The following TRPC4 variants were observed in gnomAD, a reference collection of about 807,000 sequenced individuals.
TRPC4 encodes the protein transient receptor potential cation channel subfamily C member 4.
In TRPC4, 49 loss-of-function variants were observed where a neutral mutation model predicts 99.4. The ratio of observed to expected loss-of-function variants is 0.49; its 90% confidence interval spans 0.39 to 0.63. The LOEUF is 0.63. Among genes scored for constraint, TRPC4 ranks in the 20% least tolerant of loss-of-function variants. TRPC4 has a pLI of 0.00. For synonymous variants in TRPC4, 454 were observed against 425.9 expected, an observed-to-expected ratio of 1.07 and a Z score of -0.81; for missense variants, 898 against 1,152.9, an observed-to-expected ratio of 0.78 and a Z score of 3.20.
At chr13:37,667,535 T>C (rs1480424613) in intron 5 of TRPC4, among the ~76,000 whole-genome samples, 4 of 152,190 alleles carry the variant, frequency 2.6e-5, no homozygotes, top group Non-Finnish European at 5.9e-5. Flanking sequence ...CTTGAACTCC[T>C]GATCTCAGGT....
At chr13:37,817,617 T>C (rs1301395511) in intron 1 of TRPC4, among the ~76,000 whole-genome samples, 1 of 151,922 alleles carries the variant, frequency 6.6e-6, no homozygotes, top group Admixed American at 6.6e-5. Flanking sequence ...GGAGGCATCA[T>C]GCTACCTAAC....
intron 1 of TRPC4, among the ~76,000 whole-genome samples, chr13:37,810,936 A>C (rs996124318): frequency 2.6e-5 from 4 of 152,042 alleles, no homozygotes; most frequent in Non-Finnish European, 4.4e-5. Context: ...TGTTCTATTG[A>C]AAATATTCTA....
chr13:37,672,440 G>A (rs1031530374), intron 5 of TRPC4, among the ~76,000 whole-genome samples: 17 of 152,144 alleles, frequency 1.1e-4, no homozygotes, highest in African/African-American at 3.9e-4. Flanking sequence ...GAGTTTGTTA[G>A]AAATGCAAAT....
intron 7 of TRPC4, among the ~76,000 whole-genome samples, chr13:37,653,040 C>T (rs1952102071): frequency 6.6e-6 from 1 of 152,160 alleles, no homozygotes; most frequent in African/African-American, 2.4e-5. Context: ...GAAGCCTGTT[C>T]TGCCTCCCAT....
intron 4 of TRPC4, among the ~76,000 whole-genome samples, chr13:37,680,106 A>G (rs1456716897): frequency 2.0e-5 from 3 of 152,142 alleles, no homozygotes; most frequent in African/African-American, 7.2e-5. Flanking sequence ...CTTGGACAAC[A>G]TTTTCTTATT....
intron 5 of TRPC4, among the ~76,000 whole-genome samples, chr13:37,670,800 C>T (rs1952812555): frequency 6.6e-6 from 1 of 152,102 alleles, no homozygotes. Flanking sequence ...TTAGGATCAT[C>T]CAAAATAGAT....
chr13:37,676,477 A>T (rs1953055569), intron 4 of TRPC4, among the ~76,000 whole-genome samples: 1 of 151,330 alleles, frequency 6.6e-6, no homozygotes, highest in Non-Finnish European at 1.5e-5. Flanking sequence ...GGTTAAAGCG[A>T]TTTCCCTGCC....
intron 1 of TRPC4, among the ~76,000 whole-genome samples, chr13:37,825,238 A>G (rs1352454721): frequency 6.6e-6 from 1 of 151,554 alleles, no homozygotes; most frequent in Admixed American, 6.6e-5. Context: ...TGGATTCATT[A>G]ATTTTTTGAA....
chr13:37,830,619 C>T (rs1412499877), intron 1 of TRPC4, among the ~76,000 whole-genome samples: 1 of 150,650 alleles, frequency 6.6e-6, no homozygotes, highest in Admixed American at 6.6e-5. Flanking sequence ...GGCTGAGGCA[C>T]AAGAATCACT....
intron 3 of TRPC4, among the ~76,000 whole-genome samples, chr13:37,714,758 C>T (rs866382581): frequency 2.2e-5 from 1 of 44,650 alleles, no homozygotes; most frequent in South Asian, 1.3e-3. Flanking sequence ...CTTCTTTTTT[C>T]CTCCTATTCA....
intron 1 of TRPC4, among the ~76,000 whole-genome samples, chr13:37,796,921 C>T (rs181095701): frequency 0.01 from 75 of 7,414 alleles, no homozygotes; most frequent in Non-Finnish European, 0.022. Context: ...AGCAAAACTC[C>T]TCTCTACAAA....
chr13:37,639,327 G>A, intron 8 of TRPC4, 28 bp from the exon 9 acceptor site: 1 of 1,606,156 alleles, frequency 6.2e-7, no homozygotes. Context: ...ATTCCTTTCT[G>A]GTTATACTGT....
chr13:37,810,848 A>C (rs1957664273), intron 1 of TRPC4, among the ~76,000 whole-genome samples: 1 of 152,060 alleles, frequency 6.6e-6, no homozygotes, highest in Admixed American at 6.6e-5. Context: ...AAAAAGCATA[A>C]ACATATTACT....
intron 1 of TRPC4, among the ~76,000 whole-genome samples, chr13:37,842,254 A>G (rs539695802): frequency 1.1e-3 from 166 of 146,654 alleles, no homozygotes; most frequent in Non-Finnish European, 2.1e-3. Context: ...TAGGCAACAG[A>G]GCAAGACTCA....
intron 3 of TRPC4, among the ~76,000 whole-genome samples, chr13:37,706,682 T>A (rs1046449012): frequency 2.1e-5 from 3 of 142,688 alleles, no homozygotes; most frequent in Non-Finnish European, 4.5e-5. Context: ...CCTGTGTCCA[T>A]GTGTTCTCAT....
At chr13:37,654,309 A>G (rs1952150397) in intron 7 of TRPC4, among the ~76,000 whole-genome samples, 1 of 152,158 alleles carries the variant, frequency 6.6e-6, no homozygotes, top group Non-Finnish European at 1.5e-5. Context: ...TACTTGTCTA[A>G]GGTATAAATA....
intron 1 of TRPC4, among the ~76,000 whole-genome samples, chr13:37,846,743 A>G (rs914096542): frequency 1.3e-5 from 2 of 152,124 alleles, no homozygotes; most frequent in African/African-American, 4.8e-5. Context: ...AATGGATTAA[A>G]TTCTTCAATA....
chr13:37,676,425 T>C (rs1719333665), intron 4 of TRPC4, among the ~76,000 whole-genome samples: 3 of 150,104 alleles, frequency 2.0e-5, no homozygotes, highest in African/African-American at 7.4e-5. Flanking sequence ...CAGGCTGGAG[T>C]GCAGTAGCGC....
rs188215382 is a variant in TRPC4, at chr13:37,737,434, A to T, written c.897+8503T>A. 3.9e-5 allele frequency among the ~76,000 whole-genome samples: 6 copies of T among 152,208 alleles called. No homozygotes were observed. The East Asian group carries it at 1.2e-3, about 29-fold the overall frequency. ...TTGGTTAGGGGCAGAAAAGAGCACT[A>T]TATCCAATTCATAGACCTTATTTAC... is the stretch of plus-strand genomic sequence containing the variant. On this transcript the variant is annotated intron_variant, in intron 3 of 10. Transcript: ENST00000379705.
Sources: gnomAD v4.1 joint callset for allele counts (sites outside exome capture counted in the v4.1 genomes callset) on GRCh38, gnomAD v4.1.1 for gene constraint, MANE v1.5 for transcripts, NCBI Gene and HGNC (gene_info 2026-07-23, HGNC 2026-07-21) for gene names.